SLC13A1: variants seen among roughly 807,000 people sequenced by gnomAD.
SLC13A1 encodes the protein Na(+)/sulfate cotransporter.
SLC13A1 carries 65 observed loss-of-function variants against 70.0 expected under a neutral mutation model. The observed-to-expected ratio is 0.93, with a 90% CI of 0.76 to 1.14. SLC13A1 has a LOEUF of 1.14. SLC13A1 is among the 50% of genes most tolerant of loss of function. SLC13A1 has a pLI of 0.00. For missense variants in SLC13A1, 726 were observed against 717.8 expected, an observed-to-expected ratio of 1.01 and a Z score of -0.13; for synonymous variants, 275 against 250.5, an observed-to-expected ratio of 1.10 and a Z score of -0.92.
intron 1 of SLC13A1, among the ~76,000 whole-genome samples, chr7:123,190,979 T>A (rs1307252768): frequency 1.3e-5 from 2 of 152,242 alleles, no homozygotes; most frequent in Non-Finnish European, 2.9e-5. Flanking sequence ...ATTATTTTCA[T>A]TTCTTCTGAG....
chr7:123,118,226 C>T (rs1793246661), intron 13 of SLC13A1, among the ~76,000 whole-genome samples: 1 of 152,054 alleles, frequency 6.6e-6, no homozygotes, highest in African/African-American at 2.4e-5. Context: ...TAGGGTTCAT[C>T]ATATAAGAAG....
chr7:123,116,249 C>T (rs1793178048), intron 14 of SLC13A1, among the ~76,000 whole-genome samples: 1 of 152,172 alleles, frequency 6.6e-6, no homozygotes, highest in Non-Finnish European at 1.5e-5. Context: ...GTCCATTAAA[C>T]AATCTCAGAG....
At chr7:123,130,641 G>A (rs539579078) in intron 8 of SLC13A1, among the ~76,000 whole-genome samples, 1 of 152,186 alleles carries the variant, frequency 6.6e-6, no homozygotes, top group African/African-American at 2.4e-5. Context: ...TGGGTTGATA[G>A]GTGCAACAAA....
At chr7:123,124,161 G>A (rs1409246549) in intron 11 of SLC13A1, among the ~76,000 whole-genome samples, 1 of 152,098 alleles carries the variant, frequency 6.6e-6, no homozygotes, top group African/African-American at 2.4e-5. Flanking sequence ...AGGGAGAAGA[G>A]GTTTTGAAGA....
Position 123,125,694 on chromosome 7 carries a change from C to T in SLC13A1, c.1134-19G>A. 1 of 1,554,508 alleles carries T rather than the reference C, an allele frequency of 6.4e-7. No homozygotes were observed. On this transcript the variant is annotated intron_variant, in intron 10 of 14. Coordinates refer to ENST00000194130, the MANE Select transcript of SLC13A1 (RefSeq NM_022444.4). Reference sequence around the variant, plus strand: ...AGGGTACCTGTAAAAGGGACAAATACATGTATTAAAAATAGCATCAAGAAC... The same window carrying T: ...AGGGTACCTGTAAAAGGGACAAATATATGTATTAAAAATAGCATCAAGAAC...
Position 123,168,481 on chromosome 7 carries a change from ATCAAAATGTCAGTAT to A in SLC13A1, c.611+8_611+22del. On this transcript the variant is annotated splice_region_variant and intron_variant, in intron 5 of 14. Coordinates refer to ENST00000194130, the MANE Select transcript of SLC13A1 (RefSeq NM_022444.4). ...TAAAATATAATTTGGAAAAATCCCA[ATCAAAATGTCAGTAT>A]TCCTTACCCTGGAACTGGTTTTGTT... 1 of 1,602,018 alleles carries A rather than the reference ATCAAAATGTCAGTAT, an allele frequency of 6.2e-7. No homozygotes were observed. Among genetic ancestry groups the A allele is most frequent in the Non-Finnish European group, 8.5e-7 (1 of 1,172,040 alleles).
rs765749235 is a variant in SLC13A1, at chr7:123,158,589, C to A, written c.660+9785G>T. Among the ~76,000 whole-genome samples, 64 of 151,728 alleles carry A rather than the reference C, an allele frequency of 4.2e-4. 4 individuals are homozygous for A. The highest frequency in any genetic ancestry group is 1.6e-4 in the Non-Finnish European group (11 of 67,880). ...ATTTGCAAGAATTGTTGGGAAAGATCAATACACAGATTCAGGAGAAATATG... is the reference window on the plus strand; with the variant it reads ...ATTTGCAAGAATTGTTGGGAAAGATAAATACACAGATTCAGGAGAAATATG... On this transcript the variant is annotated intron_variant, in intron 6 of 14. Transcript: ENST00000194130.
intron 11 of SLC13A1, among the ~76,000 whole-genome samples, chr7:123,124,490 A>T (rs2470978): frequency 0.029 from 4,460 of 152,320 alleles, 210 homozygotes; most frequent in African/African-American, 0.1. Context: ...ACAAGAGTCA[A>T]GTGGGCCAAC....
At chr7:123,127,848 T>TA (rs1196978722) in intron 10 of SLC13A1, among the ~76,000 whole-genome samples, 1 of 86,976 alleles carries the variant, frequency 1.1e-5, no homozygotes, top group Non-Finnish European at 3.0e-5. Context: ...ATTTTTTTTT[T>TA]TTTTTTTTTT....
chr7:123,146,172 G>T (rs1794343439), intron 7 of SLC13A1, among the ~76,000 whole-genome samples: 2 of 152,084 alleles, frequency 1.3e-5, no homozygotes, highest in South Asian at 4.2e-4. Context: ...TATCAACTGT[G>T]ACTATTTTAC....
At chr7:123,122,123 CT>C (rs755419045) in intron 12 of SLC13A1, among the ~76,000 whole-genome samples, 3 of 152,116 alleles carry the variant, frequency 2.0e-5, no homozygotes, top group South Asian at 4.1e-4. Flanking sequence ...TTCAAAATCA[CT>C]TTGAGTGTCT....
At chr7:123,184,720 T>C (rs1307303779) in intron 1 of SLC13A1, among the ~76,000 whole-genome samples, 1 of 152,032 alleles carries the variant, frequency 6.6e-6, no homozygotes, top group African/African-American at 2.4e-5. Flanking sequence ...TCCATTCATC[T>C]GTTGATGAAC....
At position 123,114,005 on chromosome 7, in the gene SLC13A1, A is replaced by G. The variant is rs117563830; in HGVS notation, c.*1513T>C. The G allele has an allele frequency of 0.016, 2,380 of 145,814 alleles. 33 individuals are homozygous for G. Among genetic ancestry groups the G allele is most frequent in the Non-Finnish European group, 0.023 (1,538 of 67,104 alleles). 9.0% of individuals were successfully genotyped at this position (145,814 alleles called of 1,614,324 possible). A position where few individuals can be genotyped will look rare whatever the true frequency, so the allele number is the denominator to read the frequency against. ...TGGCTGAGGCAGGAGAATGGCGTGA[A>G]CCTGGGAGGCGGAGCTTGCAGTGAG... On this transcript the variant is annotated 3_prime_UTR_variant, in exon 15 of 15. Transcript: ENST00000194130.
chr7:123,193,101 C>G (rs1356393471), intron 1 of SLC13A1, among the ~76,000 whole-genome samples: 5 of 152,104 alleles, frequency 3.3e-5, no homozygotes, highest in African/African-American at 1.2e-4. Context: ...ATAATCAGTT[C>G]TCCAACCTGA....
chr7:123,148,395 C>T (rs766887264), intron 6 of SLC13A1: 89 of 406,016 alleles, frequency 2.2e-4, no homozygotes, highest in Non-Finnish European at 4.0e-4. Context: ...ACCCCACCCC[C>T]ATAGTTATAC....
intron 6 of SLC13A1, among the ~76,000 whole-genome samples, chr7:123,147,934 A>C (rs1455606980): frequency 6.6e-6 from 1 of 152,074 alleles, no homozygotes; most frequent in East Asian, 1.9e-4. Flanking sequence ...CTGGTGGTAC[A>C]TACTCAATAA....
At chr7:123,149,176 A>G (rs1419485280) in intron 6 of SLC13A1, among the ~76,000 whole-genome samples, 3 of 152,120 alleles carry the variant, frequency 2.0e-5, no homozygotes, top group African/African-American at 7.2e-5. Flanking sequence ...GCTGTCAAAA[A>G]TCCCTTCTGG....
intron 1 of SLC13A1, among the ~76,000 whole-genome samples, chr7:123,192,031 C>G (rs1796013029): frequency 6.6e-6 from 1 of 152,128 alleles, no homozygotes; most frequent in Non-Finnish European, 1.5e-5. Context: ...AAACTTCTTT[C>G]TCTTTGCCTT....
intron 7 of SLC13A1, among the ~76,000 whole-genome samples, chr7:123,139,838 T>G (rs2116371354): frequency 6.6e-6 from 1 of 152,212 alleles, no homozygotes; most frequent in South Asian, 2.1e-4. Flanking sequence ...TTTCCAAATA[T>G]CAGATCATAT....
Sources: allele counts gnomAD v4.1 joint callset (sites outside exome capture counted in the v4.1 genomes callset), GRCh38; gene constraint gnomAD v4.1.1; transcripts MANE v1.5; gene names NCBI Gene and HGNC (gene_info 2026-07-23, HGNC 2026-07-21).